Variants in THSD4 observed in about 807,000 individuals in gnomAD.
THSD4 encodes the protein thrombospondin type-1 domain-containing protein 4.
A neutral mutation model predicts 119.0 loss-of-function variants in THSD4; 69 were observed. The ratio of observed to expected loss-of-function variants is 0.58; its 90% CI spans 0.48 to 0.71. The LOEUF (loss-of-function observed/expected upper bound fraction) is 0.71. Ranked by LOEUF, THSD4 falls within the 30% of genes least tolerant of loss-of-function variation. THSD4 has a pLI of 0.00. For synonymous variants in THSD4, 524 were observed against 540.4 expected, an observed-to-expected ratio of 0.97 and a Z score of 0.42; for missense variants, 1,393 against 1,391.1, an observed-to-expected ratio of 1.00 and a Z score of -0.02.
chr15:71,215,556 T>G (rs2043926095), intron 4 of THSD4, among the ~76,000 whole-genome samples, 157 bp downstream of exon 4: 1 of 152,242 alleles, frequency 6.6e-6, no homozygotes, highest in Non-Finnish European at 1.5e-5. Context: ...CGAAGCTCCT[T>G]TCACCTTTTG....
chr15:71,722,584 G>A lies in THSD4; in HGVS notation c.1358-5965G>A, dbSNP rs117991525. 2.0e-4 allele frequency among the ~76,000 whole-genome samples: 30 copies of A among 152,274 alleles called. No individual in the cohort carries two copies. In the East Asian group the frequency reaches 5.6e-3, roughly 28 times the overall value. On this transcript the variant is annotated intron_variant, in intron 8 of 17. Coordinates refer to ENST00000261862, the MANE Select transcript of THSD4 (RefSeq NM_024817.3). The stretch of plus-strand genomic sequence containing the variant: ...TTCTGCATTTTTGATGTGTGAATGG[G>A]ATCGTAAGAAGAAGTTATAAAAAAG...
At chr15:71,511,259 G>A (rs1013904269) in intron 7 of THSD4, among the ~76,000 whole-genome samples, 3 of 152,126 alleles carry the variant, frequency 2.0e-5, no homozygotes, top group African/African-American at 7.2e-5. Context: ...ACAGACATTT[G>A]GTATTGGACT....
chr15:71,713,506 C>T (rs558513712), intron 8 of THSD4, among the ~76,000 whole-genome samples: 4 of 152,136 alleles, frequency 2.6e-5, no homozygotes, highest in Non-Finnish European at 4.4e-5. Context: ...CAGCATCTTA[C>T]GTTTTATTGA....
chr15:71,297,834 T>G, intron 6 of THSD4, among the ~76,000 whole-genome samples: 1 of 152,214 alleles, frequency 6.6e-6, no homozygotes, highest in Non-Finnish European at 1.5e-5. Flanking sequence ...GAGAGTTTTT[T>G]TGTGTGTTCT....
rs547850017 is a variant in THSD4, at chr15:71,296,214, T to A, written c.1015+39499T>A. 4.8e-4 allele frequency among the ~76,000 whole-genome samples: 73 copies of A among 152,320 alleles called. 2 individuals are homozygous for A. Among genetic ancestry groups the A allele is most frequent in the Middle Eastern group, 3.4e-3 (1 of 294 alleles). ...TCAAATGGTAACTCTTATGTGTAAC[T>A]TTTCAGGAAATAGCCAAACTGTTTC... On this transcript the variant is annotated intron_variant, in intron 6 of 17. Transcript: ENST00000261862.
intron 8 of THSD4, among the ~76,000 whole-genome samples, chr15:71,688,356 A>C (rs531011238): frequency 6.6e-6 from 1 of 152,336 alleles, no homozygotes; most frequent in South Asian, 2.1e-4. Flanking sequence ...CACCCTAAAC[A>C]TGAGTGCATT....
chr15:71,397,694 G>A (rs1027047653), intron 6 of THSD4, among the ~76,000 whole-genome samples: 1 of 152,206 alleles, frequency 6.6e-6, no homozygotes. Context: ...GGCACTGAAG[G>A]TAGCATTCTA....
chr15:71,336,326 T>C (rs1033082503), intron 6 of THSD4, among the ~76,000 whole-genome samples: 2 of 152,252 alleles, frequency 1.3e-5, no homozygotes, highest in Non-Finnish European at 2.9e-5. Flanking sequence ...TTCATAATAT[T>C]TTGTTAAATC....
At chr15:71,443,883 CTCATT>C (rs1305637871) in intron 7 of THSD4, among the ~76,000 whole-genome samples, 2 of 152,188 alleles carry the variant, frequency 1.3e-5, no homozygotes, top group African/African-American at 4.8e-5. Flanking sequence ...TTTATGTTAT[CTCATT>C]TCATTTTAAG....
Position 71,153,104 on chromosome 15 carries a change from A to G in THSD4, c.30-1759A>G, listed in dbSNP as rs561704908. On this transcript the variant is annotated intron_variant, in intron 2 of 17. Coordinates refer to ENST00000261862, the MANE Select transcript of THSD4 (RefSeq NM_024817.3). ...AGGGTTTGGCCTTTAGATGTTTTTCAGAGGAGAATCAGGCACCAATCCTTG... is the reference window on the plus strand; with the variant it reads ...AGGGTTTGGCCTTTAGATGTTTTTCGGAGGAGAATCAGGCACCAATCCTTG... Among the ~76,000 whole-genome samples the G allele has an allele frequency of 2.0e-5, 3 of 152,258 alleles. No homozygotes were observed. The East Asian group carries it at 5.8e-4, about 29-fold the overall frequency.
At chr15:71,725,294 A>G (rs1253538940) in intron 8 of THSD4, among the ~76,000 whole-genome samples, 1 of 151,502 alleles carries the variant, frequency 6.6e-6, no homozygotes, top group Admixed American at 6.6e-5. Context: ...AGCCTTAGAC[A>G]AGACATCTGA....
intron 4 of THSD4, among the ~76,000 whole-genome samples, chr15:71,241,748 C>T (rs759303612): frequency 1.2e-4 from 18 of 152,176 alleles, no homozygotes; most frequent in Non-Finnish European, 2.1e-4. Context: ...CCCCGCCCCA[C>T]CCCACCTCAG....
chr15:71,424,542 C>G (rs1296584659), intron 7 of THSD4, among the ~76,000 whole-genome samples: 1 of 152,120 alleles, frequency 6.6e-6, no homozygotes, highest in Non-Finnish European at 1.5e-5. Context: ...TGCAGAGATT[C>G]TCCCTCCCTC....
intron 7 of THSD4, among the ~76,000 whole-genome samples, chr15:71,413,850 G>C (rs1197743740): frequency 6.6e-6 from 1 of 152,224 alleles, no homozygotes; most frequent in East Asian, 1.9e-4. Flanking sequence ...AGTGTCCTCA[G>C]AAAATACTTA....
intron 15 of THSD4, 70 bp downstream of exon 15, chr15:71,758,145 C>G: frequency 6.8e-7 from 1 of 1,468,304 alleles, no homozygotes; most frequent in Non-Finnish European, 9.1e-7. Flanking sequence ...GGTTAGGAAC[C>G]AGGACTTTGT....
At chr15:71,324,822 AC>A (rs2045319149) in intron 6 of THSD4, among the ~76,000 whole-genome samples, 1 of 152,160 alleles carries the variant, frequency 6.6e-6, no homozygotes, top group Non-Finnish European at 1.5e-5. Flanking sequence ...TTGGGTAGAT[AC>A]CCCTTGGTAG....
intron 4 of THSD4, among the ~76,000 whole-genome samples, chr15:71,241,763 G>A (rs1567166643): frequency 6.6e-6 from 1 of 152,196 alleles, no homozygotes; most frequent in Non-Finnish European, 1.5e-5. Context: ...CCTCAGGGCA[G>A]TGGGTCTTTA....
chr15:71,652,058 G>T (rs918068315), intron 7 of THSD4, among the ~76,000 whole-genome samples: 19 of 152,232 alleles, frequency 1.2e-4, no homozygotes, highest in African/African-American at 4.3e-4. Context: ...AATCAGGCCA[G>T]TGTGCAAGCA....
chr15:71,660,606 G>A lies in THSD4; in HGVS notation c.1229G>A (p.Gly410Asp). 7 of 1,614,178 alleles carry A rather than the reference G, an allele frequency of 4.3e-6. No homozygotes were observed. Among genetic ancestry groups the A allele is most frequent in the Non-Finnish European group, 5.9e-6 (7 of 1,180,028 alleles). ...GGGGTGTGTGGAGGAGACAACACGG[G>A]CTGTCAGGTTGTGTCGGGCGTGTTT... ...KCGVCGGDNTGCQVVSGVFKH... is the reference protein window; with the variant it reads ...KCGVCGGDNTDCQVVSGVFKH... The change falls in exon 8 of 18, where the codon GGC becomes GAC. Residue 410 changes from glycine (G) to aspartate (D), a missense_variant. Coordinates refer to ENST00000261862, the MANE Select transcript of THSD4 (RefSeq NM_024817.3).
Sources: allele counts gnomAD v4.1 joint callset (sites outside exome capture counted in the v4.1 genomes callset), GRCh38; gene constraint gnomAD v4.1.1; transcripts MANE v1.5; gene names NCBI Gene and HGNC (gene_info 2026-07-23, HGNC 2026-07-21).